The following DGKB variants were observed in gnomAD, a reference collection of about 807,000 sequenced individuals.
DGKB encodes the protein 90 kDa diacylglycerol kinase.
Under a neutral mutation model 114.3 loss-of-function variants are expected in DGKB, and 67 were observed. The observed-to-expected ratio is 0.59, with a 90% confidence interval of 0.48 to 0.72. The LOEUF (loss-of-function observed/expected upper bound fraction) is 0.72. Ranked by LOEUF, DGKB falls within the 30% of genes least tolerant of loss-of-function variation. The pLI, the probability that DGKB is intolerant of heterozygous loss-of-function variation, is 0.00. For missense variants in DGKB, 907 were observed against 975.2 expected (o/e 0.93, Z 0.93); for synonymous variants, 398 against 323.1 (o/e 1.23, Z -2.49).
intron 6 of DGKB, among the ~76,000 whole-genome samples, chr7:14,711,723 C>T (rs905196758): frequency 2.0e-5 from 3 of 152,068 alleles, no homozygotes; most frequent in Admixed American, 2.0e-4. Context: ...AGATTATCTT[C>T]ACAGGATGAT....
chr7:14,221,965 A>G (rs1790048899), intron 23 of DGKB, among the ~76,000 whole-genome samples: 1 of 151,028 alleles, frequency 6.6e-6, no homozygotes, highest in Non-Finnish European at 1.5e-5. Flanking sequence ...TAGTATTGTT[A>G]TAGTCTTTTC....
intron 23 of DGKB, among the ~76,000 whole-genome samples, chr7:14,290,124 G>A (rs1227156569): frequency 6.6e-6 from 1 of 152,134 alleles, no homozygotes; most frequent in East Asian, 1.9e-4. Flanking sequence ...ACAAACTGCA[G>A]GAACCTGACC....
At chr7:14,670,688 T>C (rs555508112) in intron 13 of DGKB, among the ~76,000 whole-genome samples, 7 of 152,290 alleles carry the variant, frequency 4.6e-5, no homozygotes, top group African/African-American at 7.2e-5. Context: ...AACTTTGTAC[T>C]CTTTGACCAA....
rs184463083 is a variant in DGKB, at chr7:14,768,728, T to A, written c.71-10997A>T. ...TGTGACAATCAATCTTTACATTTTTTAAAAAATTTAGGGGAGGAGAACTGA... is the reference window on the plus strand; with the variant it reads ...TGTGACAATCAATCTTTACATTTTTAAAAAAATTTAGGGGAGGAGAACTGA... On this transcript the variant is annotated intron_variant, in intron 2 of 25. Coordinates refer to ENST00000402815, the MANE Select transcript of DGKB (RefSeq NM_001350709.2). Among the ~76,000 whole-genome samples, 281 of 152,132 alleles carry A rather than the reference T, an allele frequency of 1.8e-3. 1 individual carries two copies. The highest frequency in any genetic ancestry group is 5.9e-3 in the African/African-American group (246 of 41,534).
At chr7:14,645,390 A>C (rs573779056) in intron 13 of DGKB, among the ~76,000 whole-genome samples, 4 of 152,174 alleles carry the variant, frequency 2.6e-5, no homozygotes, top group African/African-American at 9.6e-5. Context: ...AGAATAAAAG[A>C]GTGGTAATAT....
intron 21 of DGKB, among the ~76,000 whole-genome samples, chr7:14,430,089 CTTG>C (rs1172753167): frequency 2.6e-5 from 4 of 152,056 alleles, no homozygotes; most frequent in African/African-American, 4.8e-5. Flanking sequence ...ATATGTTTGA[CTTG>C]TTGTTATTAA....
chr7:14,916,286 C>CTTT (rs34793701), intron 1 of DGKB, among the ~76,000 whole-genome samples: 3 of 151,164 alleles, frequency 2.0e-5, no homozygotes, highest in Admixed American at 6.6e-5. Flanking sequence ...GAGGGAACGA[C>CTTT]TTTAAAAAAA....
chr7:14,732,972 A>G (rs978544752), intron 5 of DGKB, among the ~76,000 whole-genome samples: 1 of 152,202 alleles, frequency 6.6e-6, no homozygotes, highest in African/African-American at 2.4e-5. Context: ...CTTCTTTCTC[A>G]AAACTCAAGG....
chr7:14,202,356 C>T (rs572092748), intron 23 of DGKB, among the ~76,000 whole-genome samples: 65 of 152,040 alleles, frequency 4.3e-4, no homozygotes, highest in Admixed American at 2.4e-3. Context: ...TTCCTCTCAA[C>T]ATCATGAGGC....
intron 21 of DGKB, among the ~76,000 whole-genome samples, chr7:14,473,815 T>C (rs1781774558): frequency 6.6e-6 from 1 of 152,182 alleles, no homozygotes; most frequent in Non-Finnish European, 1.5e-5. Flanking sequence ...CCACTGGATT[T>C]TGCAGTTGTG....
chr7:14,364,426 G>C (rs890827121), intron 21 of DGKB, among the ~76,000 whole-genome samples: 4 of 151,296 alleles, frequency 2.6e-5, no homozygotes, highest in African/African-American at 9.7e-5. Context: ...AAGAAAGGAA[G>C]GAAGGAAGGA....
intron 8 of DGKB, among the ~76,000 whole-genome samples, chr7:14,695,113 T>C (rs1823586134): frequency 6.6e-6 from 1 of 152,162 alleles, no homozygotes; most frequent in Non-Finnish European, 1.5e-5. Flanking sequence ...AAATATTTGA[T>C]TTGTTGGTAG....
intron 13 of DGKB, among the ~76,000 whole-genome samples, chr7:14,658,396 G>T (rs1816298259): frequency 6.6e-6 from 1 of 152,048 alleles, no homozygotes; most frequent in Admixed American, 6.6e-5. Flanking sequence ...GTAGAATGAT[G>T]GTTATCAGAG....
intron 21 of DGKB, among the ~76,000 whole-genome samples, chr7:14,408,069 C>T (rs931315434): frequency 6.6e-6 from 1 of 152,114 alleles, no homozygotes; most frequent in Non-Finnish European, 1.5e-5. Context: ...GGAACACACA[C>T]TGTAAGAAGA....
At chr7:14,225,222 G>A (rs997252953) in intron 23 of DGKB, among the ~76,000 whole-genome samples, 11 of 152,000 alleles carry the variant, frequency 7.2e-5, no homozygotes, top group Admixed American at 5.9e-4. Flanking sequence ...TCTTCCCTTC[G>A]CAAAACCTCT....
At chr7:14,479,055 G>A (rs1312141874) in intron 20 of DGKB, among the ~76,000 whole-genome samples, 1 of 152,012 alleles carries the variant, frequency 6.6e-6, no homozygotes, top group African/African-American at 2.4e-5. Context: ...TTCCAAGTGT[G>A]GAGATATTTT....
chr7:14,700,377 A>G (rs576066633), intron 7 of DGKB, among the ~76,000 whole-genome samples: 1 of 151,746 alleles, frequency 6.6e-6, no homozygotes, highest in African/African-American at 2.4e-5. Flanking sequence ...CCACGCCTCG[A>G]TAATTTTTGT....
chr7:14,652,411 G>A (rs74338788), intron 13 of DGKB, among the ~76,000 whole-genome samples: 87,372 of 150,388 alleles, frequency 0.58, 26,550 homozygotes, highest in Admixed American at 0.71. Context: ...AGGATTCCCT[G>A]TTTAATAAAT....
chr7:14,867,923 G>A (rs547801359), intron 1 of DGKB, among the ~76,000 whole-genome samples: 26 of 152,224 alleles, frequency 1.7e-4, no homozygotes, highest in Middle Eastern at 3.4e-3. Flanking sequence ...TAGCTTCAGC[G>A]AAGAATCCTG....
Sources: gnomAD v4.1 joint callset for allele counts (sites outside exome capture counted in the v4.1 genomes callset) on GRCh38, gnomAD v4.1.1 for gene constraint, MANE v1.5 for transcripts, NCBI Gene and HGNC (gene_info 2026-07-23, HGNC 2026-07-21) for gene names.